PTPRQ: variants seen among roughly 807,000 people sequenced by gnomAD.
PTPRQ encodes phosphatidylinositol phosphatase PTPRQ.
A neutral mutation model predicts 246.0 loss-of-function variants in PTPRQ; 199 were observed. The ratio of observed to expected loss-of-function variants is 0.81; its 90% CI spans 0.72 to 0.91. PTPRQ has a LOEUF of 0.91. Among genes scored for constraint, PTPRQ ranks in the 40% least tolerant of loss-of-function variants. PTPRQ has a pLI of 0.00. For missense variants in PTPRQ, 2,624 were observed against 2,528.4 expected (o/e 1.04, Z -0.81); for synonymous variants, 869 against 853.2 (o/e 1.02, Z -0.32).
chr12:80,616,431 G>A (rs1187882490), intron 30 of PTPRQ, among the ~76,000 whole-genome samples, 165 bp downstream of exon 30: 1 of 150,842 alleles, frequency 6.6e-6, no homozygotes, highest in African/African-American at 2.4e-5. Flanking sequence ...AGTTAAAAAC[G>A]TTTAAATGAT....
intron 39 of PTPRQ, among the ~76,000 whole-genome samples, chr12:80,664,044 C>A (rs906278071): frequency 2.6e-5 from 4 of 151,872 alleles, no homozygotes; most frequent in Non-Finnish European, 5.9e-5. Flanking sequence ...ATAGTCTCGA[C>A]CTTTTGATAA....
intron 28 of PTPRQ, 103 bp downstream of exon 28, chr12:80,610,728 T>A: frequency 7.3e-7 from 1 of 1,379,118 alleles, no homozygotes; most frequent in Admixed American, 3.0e-5. Flanking sequence ...TATGAGAAGT[T>A]TTTAAAGCAT....
chr12:80,604,235 C>CCCCAGGAGG (rs1898236644), intron 26 of PTPRQ, among the ~76,000 whole-genome samples: 1 of 151,330 alleles, frequency 6.6e-6, no homozygotes. Flanking sequence ...TGACTAGGGG[C>CCCCAGGAGG]CCCAGGAGGA....
chr12:80,502,427 G>A (rs528930507), intron 14 of PTPRQ, among the ~76,000 whole-genome samples: 2 of 152,026 alleles, frequency 1.3e-5, no homozygotes, highest in African/African-American at 2.4e-5. Context: ...ATCCATTTGA[G>A]ATTTGATGTT....
chr12:80,462,656 CTCT>C (rs1452155953), intron 6 of PTPRQ: 1 of 164,632 alleles, frequency 6.1e-6, no homozygotes, highest in Admixed American at 6.4e-5. Context: ...CCGGGTACTC[CTCT>C]GAGACAAAAC....
At chr12:80,469,353 G>T (rs777481293) in intron 7 of PTPRQ, among the ~76,000 whole-genome samples, 10 of 152,088 alleles carry the variant, frequency 6.6e-5, no homozygotes, top group Non-Finnish European at 1.0e-4. Context: ...TTATAAAGTG[G>T]CAAGTTCTCC....
At chr12:80,586,576 G>A (rs1373615115) in intron 25 of PTPRQ, 2 of 152,062 alleles carry the variant, frequency 1.3e-5, no homozygotes, top group African/African-American at 4.8e-5. Flanking sequence ...AAATCATGCT[G>A]CTATAAAGGA....
chr12:80,456,885 G>C (rs1228058110), intron 3 of PTPRQ, among the ~76,000 whole-genome samples: 1 of 152,042 alleles, frequency 6.6e-6, no homozygotes, highest in Non-Finnish European at 1.5e-5. Context: ...TTAAAGACAA[G>C]ATAAATGTTA....
chr12:80,636,138 G>A (rs1899639471), intron 35 of PTPRQ, among the ~76,000 whole-genome samples: 1 of 152,170 alleles, frequency 6.6e-6, no homozygotes, highest in Non-Finnish European at 1.5e-5. Context: ...GCAGGGAAAT[G>A]TGTTTTCTTG....
chr12:80,679,241 T>A lies in PTPRQ; in HGVS notation c.*218T>A. 1 of 441,142 alleles carries A rather than the reference T, an allele frequency of 2.3e-6. No individual in the cohort carries two copies. The highest frequency in any genetic ancestry group is 3.6e-6 in the Non-Finnish European group (1 of 274,406). The allele number at this position is 441,142 out of a possible 1,614,324, so 27.3% of individuals were successfully genotyped here. On this transcript the variant is annotated 3_prime_UTR_variant, in exon 45 of 45. Transcript: ENST00000644991. ...TGTACAGAATAAATATTATGCATTT[T>A]AAATGCTTAAGAAAAGACATCCCAT...
Position 80,534,896 on chromosome 12 carries a change from A to T in PTPRQ, c.2844A>T (p.Pro948=). ...IISFQTPEGA[P]SDPPKDVYYA... ...GTTCAATTATTTGTTTTATAGCACCAAGCGATCCTCCCAAAGATGTTTATT... is the reference window on the plus strand; with the variant it reads ...GTTCAATTATTTGTTTTATAGCACCTAGCGATCCTCCCAAAGATGTTTATT... Residue 948 remains proline, a synonymous_variant, in exon 19 of 45, where the codon CCA becomes CCT. Coordinates refer to ENST00000644991, the MANE Select transcript of PTPRQ (RefSeq NM_001145026.2). 6.5e-7 allele frequency: 1 copy of T among 1,548,410 alleles called. No individual in the cohort carries two copies. The highest frequency in any genetic ancestry group is 1.2e-5 in the South Asian group (1 of 83,204).
chr12:80,566,477 C>CA (rs570905684), intron 25 of PTPRQ, among the ~76,000 whole-genome samples: 272 of 144,720 alleles, frequency 1.9e-3, no homozygotes, highest in Middle Eastern at 0.01. Context: ...GACTCCATCT[C>CA]AAAAAAAAAA....
chr12:80,675,639 G>T (rs1339843595), intron 43 of PTPRQ, among the ~76,000 whole-genome samples: 1 of 152,104 alleles, frequency 6.6e-6, no homozygotes, highest in Non-Finnish European at 1.5e-5. Flanking sequence ...CTGCAACTTT[G>T]TAGAATTAAA....
intron 23 of PTPRQ, among the ~76,000 whole-genome samples, chr12:80,543,104 TC>T (rs1896204409): frequency 6.6e-6 from 1 of 152,032 alleles, no homozygotes; most frequent in Non-Finnish European, 1.5e-5. Context: ...ATTTGTAACT[TC>T]CAGATATCTA....
chr12:80,635,127 C>T (rs1312901563), intron 35 of PTPRQ, 54 bp downstream of exon 35: 2 of 1,521,608 alleles, frequency 1.3e-6, no homozygotes, highest in Non-Finnish European at 1.8e-6. Flanking sequence ...AGCCATGACC[C>T]TATTCTGACC....
intron 19 of PTPRQ, 83 bp downstream of exon 19, chr12:80,535,120 T>C: frequency 1.5e-6 from 2 of 1,314,636 alleles, no homozygotes; most frequent in South Asian, 3.3e-5. Flanking sequence ...TAAAAGAAAT[T>C]GTTTACCTTA....
chr12:80,632,144 T>C (rs1216189988), intron 33 of PTPRQ, 48 bp from the exon 34 acceptor site: 1 of 1,515,540 alleles, frequency 6.6e-7, no homozygotes, highest in African/African-American at 1.4e-5. Context: ...GGATTCAAAA[T>C]AAGATTCCAT....
chr12:80,624,305 G>T (rs1186454210), intron 33 of PTPRQ, among the ~76,000 whole-genome samples: 1 of 152,140 alleles, frequency 6.6e-6, no homozygotes, highest in East Asian at 1.9e-4. Context: ...ATGTGTCTAT[G>T]ATCAAATTAC....
At chr12:80,478,097 A>G (rs1191822907) in intron 8 of PTPRQ, among the ~76,000 whole-genome samples, 1 of 151,960 alleles carries the variant, frequency 6.6e-6, no homozygotes, top group African/African-American at 2.4e-5. Flanking sequence ...AAACAAAAAG[A>G]CAGCAGTAAC....
Sources: gnomAD v4.1 joint callset for allele counts (sites outside exome capture counted in the v4.1 genomes callset) on GRCh38, gnomAD v4.1.1 for gene constraint, MANE v1.5 for transcripts, NCBI Gene and HGNC (gene_info 2026-07-23, HGNC 2026-07-21) for gene names.